The following MAP4K4 variants were observed in gnomAD, a reference collection of about 807,000 sequenced individuals.
MAP4K4 encodes mitogen-activated protein kinase kinase kinase kinase 4.
MAP4K4 carries 38 observed loss-of-function variants against 189.6 expected under a neutral mutation model. That is an observed-to-expected ratio of 0.20 (90% CI 0.15 to 0.26). The LOEUF is 0.26. MAP4K4 is among the 10% of genes least tolerant of loss of function. The pLI is 1.00. For synonymous variants in MAP4K4, 610 were observed against 624.3 expected (o/e 0.98, Z 0.34); for missense variants, 1,054 against 1,726.9 (o/e 0.61, Z 6.91).
intron 3 of MAP4K4, among the ~76,000 whole-genome samples, chr2:101,806,374 CTTTTTTT>C (rs35242042): frequency 5.4e-5 from 7 of 129,540 alleles, no homozygotes; most frequent in Admixed American, 1.5e-4. Context: ...AGCTGTTTCA[CTTTTTTT>C]TTTTTTTTTT....
intron 12 of MAP4K4, among the ~76,000 whole-genome samples, chr2:101,845,447 C>A (rs188721576): frequency 1.8e-4 from 27 of 152,222 alleles, no homozygotes; most frequent in Non-Finnish European, 3.1e-4. Flanking sequence ...ATTAGGTGAT[C>A]CGTCATTGTG....
intron 11 of MAP4K4, among the ~76,000 whole-genome samples, chr2:101,843,697 T>G (rs994621498): frequency 1.8e-4 from 27 of 152,062 alleles, no homozygotes; most frequent in African/African-American, 6.3e-4. Flanking sequence ...GGCTTGGTGG[T>G]TGACCAGACA....
chr2:101,860,830 A>C, exon 16 of MAP4K4: 3 of 1,605,762 alleles, frequency 1.9e-6, no homozygotes, highest in Non-Finnish European at 2.6e-6. Context: ...TGCAGGTGGA[A>C]GATAGATTTA....
intron 3 of MAP4K4, chr2:101,797,417 G>C: frequency 7.8e-7 from 1 of 1,289,308 alleles, no homozygotes; most frequent in Non-Finnish European, 1.0e-6. Context: ...TTGACAGTCT[G>C]TATCCCCCTC....
intron 2 of MAP4K4, among the ~76,000 whole-genome samples, chr2:101,715,726 A>G (rs1190276841): frequency 6.6e-6 from 1 of 152,212 alleles, no homozygotes; most frequent in African/African-American, 2.4e-5. Flanking sequence ...AAAAATACAT[A>G]GGGTCTTCTA....
chr2:101,757,584 C>T (rs936329078), intron 2 of MAP4K4, among the ~76,000 whole-genome samples: 7 of 152,278 alleles, frequency 4.6e-5, no homozygotes, highest in South Asian at 2.1e-4. Context: ...CCCTTATCCA[C>T]GGGGGATACA....
intron 3 of MAP4K4, among the ~76,000 whole-genome samples, chr2:101,814,818 T>G (rs1325385030): frequency 6.6e-6 from 1 of 152,194 alleles, no homozygotes; most frequent in Non-Finnish European, 1.5e-5. Flanking sequence ...AAATAATACA[T>G]AAGCAGGAGT....
At chr2:101,776,203 A>C (rs1159642859) in intron 2 of MAP4K4, among the ~76,000 whole-genome samples, 2 of 152,200 alleles carry the variant, frequency 1.3e-5, no homozygotes. Context: ...GGTGAGGCCC[A>C]GGCATATTTA....
intron 2 of MAP4K4, among the ~76,000 whole-genome samples, chr2:101,774,162 A>G (rs949248924): frequency 3.3e-5 from 5 of 152,232 alleles, no homozygotes; most frequent in Non-Finnish European, 5.9e-5. Flanking sequence ...TAGTTGTACT[A>G]GTTTACGTTA....
At chr2:101,884,363 GAA>G (rs2098452112) in intron 28 of MAP4K4, among the ~76,000 whole-genome samples, 1 of 152,202 alleles carries the variant, frequency 6.6e-6, no homozygotes, top group Non-Finnish European at 1.5e-5. Flanking sequence ...AGAAGTCTAT[GAA>G]ACAGTACCGG....
intron 9 of MAP4K4, among the ~76,000 whole-genome samples, chr2:101,838,623 G>C (rs2096832279): frequency 6.6e-6 from 1 of 152,004 alleles, no homozygotes; most frequent in African/African-American, 2.4e-5. Context: ...TTCTTCCTCT[G>C]TAAGTTTGAT....
chr2:101,721,301 G>A (rs1004307691), intron 2 of MAP4K4, among the ~76,000 whole-genome samples: 3 of 151,782 alleles, frequency 2.0e-5, no homozygotes, highest in African/African-American at 7.3e-5. Context: ...TTTTTCTCTA[G>A]GGCAGTGTGA....
intron 7 of MAP4K4, among the ~76,000 whole-genome samples, chr2:101,833,784 G>A (rs2096659169): frequency 6.6e-6 from 1 of 152,076 alleles, no homozygotes; most frequent in Non-Finnish European, 1.5e-5. Flanking sequence ...TTTAAATTTA[G>A]TATTTCAGGG....
intron 2 of MAP4K4, among the ~76,000 whole-genome samples, chr2:101,706,294 A>C (rs1468891552): frequency 1.3e-5 from 2 of 152,228 alleles, no homozygotes; most frequent in African/African-American, 4.8e-5. Context: ...TAGTTAGTTC[A>C]ATAGTAGTTG....
intron 10 of MAP4K4, 119 bp downstream of exon 10, chr2:101,840,113 T>C: frequency 1.0e-6 from 1 of 964,326 alleles, no homozygotes; most frequent in Non-Finnish European, 1.5e-6. Flanking sequence ...GCTTGCATGG[T>C]TTCTCTGCTT....
chr2:101,830,339 G>C (rs1003661830), intron 6 of MAP4K4, among the ~76,000 whole-genome samples: 1 of 152,058 alleles, frequency 6.6e-6, no homozygotes, highest in Admixed American at 6.5e-5. Context: ...GATAATTACA[G>C]CCCATGGTGT....
exon 22 of MAP4K4, chr2:101,869,672 A>G (rs1373385646): frequency 1.2e-6 from 2 of 1,609,098 alleles, no homozygotes; most frequent in Non-Finnish European, 1.7e-6. Context: ...ATGTACGGCC[A>G]CCTCACAAAG....
At chr2:101,872,148 A>G (rs2098051006) in intron 24 of MAP4K4, among the ~76,000 whole-genome samples, 1 of 151,550 alleles carries the variant, frequency 6.6e-6, no homozygotes, top group Non-Finnish European at 1.5e-5. Context: ...TCTCTTTCAA[A>G]CAGAACTGAT....
intron 2 of MAP4K4, among the ~76,000 whole-genome samples, chr2:101,775,629 A>G (rs920682906): frequency 6.6e-6 from 1 of 152,086 alleles, no homozygotes; most frequent in African/African-American, 2.4e-5. Flanking sequence ...GAATCCAGTA[A>G]TTAGTGATTT....
Sources: allele counts gnomAD v4.1 joint callset (sites outside exome capture counted in the v4.1 genomes callset), GRCh38; gene constraint gnomAD v4.1.1; transcripts MANE v1.5; gene names NCBI Gene and HGNC (gene_info 2026-07-23, HGNC 2026-07-21).